Variants in TMEM53 observed in about 807,000 individuals in gnomAD.
TMEM53 encodes the protein transmembrane protein 53.
In TMEM53, 14 loss-of-function variants were observed where a neutral mutation model predicts 21.4. The observed-to-expected ratio is 0.65, with a 90% CI of 0.43 to 1.02. TMEM53 has a LOEUF of 1.02. Ranked by LOEUF, TMEM53 falls within the 50% of genes least tolerant of loss-of-function variation. The pLI, the probability that TMEM53 is intolerant of heterozygous loss-of-function variation, is 0.00. For synonymous variants in TMEM53, 148 were observed against 157.4 expected, an observed-to-expected ratio of 0.94 and a Z score of 0.45; for missense variants, 323 against 383.6, an observed-to-expected ratio of 0.84 and a Z score of 1.32.
At chr1:44,666,836 T>C (rs1484594110) in intron 1 of TMEM53, among the ~76,000 whole-genome samples, 1 of 151,912 alleles carries the variant, frequency 6.6e-6, no homozygotes, top group African/African-American at 2.4e-5. Flanking sequence ...AGCCAGTGAA[T>C]TGTACTTTTT....
intron 1 of TMEM53, among the ~76,000 whole-genome samples, chr1:44,670,368 G>A (rs12756906): frequency 6.6e-6 from 1 of 152,050 alleles, no homozygotes; most frequent in Non-Finnish European, 1.5e-5. Flanking sequence ...TCCCCCTTCA[G>A]GGATTTACTT....
chr1:44,663,690 C>T (rs563671634), intron 1 of TMEM53, among the ~76,000 whole-genome samples: 1 of 152,300 alleles, frequency 6.6e-6, no homozygotes, highest in Admixed American at 6.5e-5. Flanking sequence ...AGGCCTCTGG[C>T]AGCTAACTTT....
chr1:44,657,996 A>C (rs1001925198), intron 2 of TMEM53, among the ~76,000 whole-genome samples: 1 of 149,788 alleles, frequency 6.7e-6, no homozygotes, highest in Non-Finnish European at 1.5e-5. Flanking sequence ...CTGGGATCTT[A>C]CTCCATCTAC....
chr1:44,673,902 G>A (rs1369812944), intron 1 of TMEM53: 1 of 985,280 alleles, frequency 1.0e-6, no homozygotes, highest in Non-Finnish European at 1.2e-6. Context: ...GGGCTTCTGC[G>A]AGGATCGGTG....
rs1192227830 is a variant in TMEM53, at chr1:44,655,078, C to T, written c.315G>A (p.Glu105=). 6.2e-7 allele frequency: 1 copy of T among 1,614,232 alleles called. No homozygotes were observed. Among genetic ancestry groups the T allele is most frequent in the Non-Finnish European group, 8.5e-7 (1 of 1,180,034 alleles). ...TGCTGAAGACATGGAAGAGCAGGGG[C>T]TCCTTCTCAATCTCATAATCAAAGA... The part of the protein sequence containing the change: ...ELLFDYEIEK[E]PLLFHVFSNG... The change falls in exon 3 of 3, where the codon GAG becomes GAA. Residue 105 remains glutamate (E), a synonymous_variant. Transcript: ENST00000372237. The surrounding 1 kb of genome is among the most constrained non-coding windows in gnomAD (Gnocchi z 4.4).
At chr1:44,667,200 T>C (rs1194693407) in intron 1 of TMEM53, among the ~76,000 whole-genome samples, 1 of 152,108 alleles carries the variant, frequency 6.6e-6, no homozygotes, top group Non-Finnish European at 1.5e-5. Context: ...TCAATAATGT[T>C]ATTATTTTTA....
chr1:44,669,132 A>G (rs1437281290), intron 1 of TMEM53, among the ~76,000 whole-genome samples: 1 of 152,254 alleles, frequency 6.6e-6, no homozygotes, highest in Admixed American at 6.5e-5. Context: ...TTCACAAGTA[A>G]TGCATACTCA....
In TMEM53 at chr1:44,660,175, C is replaced by A. The variant is rs749890369; in HGVS notation, c.182G>T (p.Arg61Met). ...LAKYSAIYHK[R>M]GCIVIRYTAP... ...GGGAGAGGGCACCAGAGTACTCACC[C>A]TTTTGTGGTAGATGGCACTGTACTT... is the stretch of plus-strand genomic sequence containing the variant. Residue 61 changes from arginine to methionine, a missense_variant and splice_region_variant, in exon 2 of 3, where the codon AGG becomes ATG. Arg to Met is a moderately conservative substitution (Grantham distance 91). Coordinates refer to ENST00000372237, the MANE Select transcript of TMEM53 (RefSeq NM_024587.4). The A allele has an allele frequency of 1.2e-6, 2 of 1,613,918 alleles. No homozygotes were observed. Among genetic ancestry groups the A allele is most frequent in the Non-Finnish European group, 1.7e-6 (2 of 1,179,904 alleles).
At chr1:44,668,274 T>C (rs2148536907) in intron 1 of TMEM53, among the ~76,000 whole-genome samples, 1 of 152,154 alleles carries the variant, frequency 6.6e-6, no homozygotes. Flanking sequence ...ACCCCGTCTC[T>C]ACTAAAAATA....
chr1:44,658,360 GC>G (rs1644868691), intron 2 of TMEM53, among the ~76,000 whole-genome samples: 1 of 152,018 alleles, frequency 6.6e-6, no homozygotes, highest in South Asian at 2.1e-4. Context: ...CTATCCCTGT[GC>G]CCATGCCCAA....
intron 1 of TMEM53, among the ~76,000 whole-genome samples, chr1:44,670,995 T>C (rs1644995324): frequency 1.3e-5 from 2 of 152,170 alleles, no homozygotes; most frequent in African/African-American, 4.8e-5. Context: ...GGCTTGGGCC[T>C]ACAGTGCTGC....
At chr1:44,664,616 T>C (rs1310618923) in intron 1 of TMEM53, among the ~76,000 whole-genome samples, 1 of 152,082 alleles carries the variant, frequency 6.6e-6, no homozygotes, top group Non-Finnish European at 1.5e-5. Context: ...CCAGCTTGTA[T>C]CCGCTATCCT....
chr1:44,664,337 G>A (rs1405708969), intron 1 of TMEM53, among the ~76,000 whole-genome samples: 1 of 151,810 alleles, frequency 6.6e-6, no homozygotes, highest in Non-Finnish European at 1.5e-5. Flanking sequence ...TGTAATCCCA[G>A]CTACTCAGGA....
intron 1 of TMEM53, among the ~76,000 whole-genome samples, chr1:44,664,126 T>TG (rs1236350681): frequency 1.4e-5 from 2 of 142,914 alleles, no homozygotes; most frequent in Non-Finnish European, 3.0e-5. Context: ...TACTCCAGCC[T>TG]GGGTGACAGA....
chr1:44,655,149 C>T lies in TMEM53; in HGVS notation c.244G>A (p.Gly82Ser). The change falls in exon 3 of 3, where the codon GGT (glycine) becomes AGT (serine). Residue 82 changes from glycine to serine, a missense_variant. By Grantham distance (56) the Gly-to-Ser change is moderately conservative (BLOSUM62 0). Transcript: ENST00000372237. This position sits in a 1 kb window ranked among gnomAD's most constrained non-coding sequence, Gnocchi z 4.4. Reference protein sequence around the residue: ...WHMVFFSESLGIPSLRVLAQK... With the variant: ...WHMVFFSESLSIPSLRVLAQK... ...GCCAAAACACGAAGTGAAGGGATACCCAGTGACTCGGAGAAGAAGACCATG... is the reference window on the plus strand; with the variant it reads ...GCCAAAACACGAAGTGAAGGGATACTCAGTGACTCGGAGAAGAAGACCATG... 1 of 1,613,934 alleles carries T rather than the reference C, an allele frequency of 6.2e-7. No individual in the cohort carries two copies.
intron 1 of TMEM53, among the ~76,000 whole-genome samples, chr1:44,662,596 C>T (rs543169773): frequency 2.6e-5 from 4 of 152,216 alleles, no homozygotes; most frequent in African/African-American, 9.6e-5. Flanking sequence ...TTTGCATCTT[C>T]GAGACCCAGC....
intron 1 of TMEM53, among the ~76,000 whole-genome samples, chr1:44,668,553 C>T (rs1438448483): frequency 6.6e-6 from 1 of 152,098 alleles, no homozygotes; most frequent in Non-Finnish European, 1.5e-5. Context: ...TTTTTCTTTT[C>T]TTCTTTGAGA....
rs1452042434 is a variant in TMEM53 at position 44,655,590 on chromosome 1, A to G, written c.184-381T>C. On this transcript the variant is annotated intron_variant, in intron 2 of 2. Coordinates refer to ENST00000372237, the MANE Select transcript of TMEM53 (RefSeq NM_024587.4). This position sits in a 1 kb window ranked among gnomAD's most constrained non-coding sequence, Gnocchi z 4.4. ...CGCACTCCCATCCTAGGCCTTGCACATTTGGGATGGGGCCTCACTGCTTGG... is the reference window on the plus strand; with the variant it reads ...CGCACTCCCATCCTAGGCCTTGCACGTTTGGGATGGGGCCTCACTGCTTGG... 6.6e-6 allele frequency among the ~76,000 whole-genome samples: 1 copy of G among 151,992 alleles called. No individual in the cohort carries two copies. Among genetic ancestry groups the G allele is most frequent in the Admixed American group, 6.6e-5 (1 of 15,258 alleles).
At chr1:44,673,951 A>G (rs1039631861) in intron 1 of TMEM53, 3 of 985,350 alleles carry the variant, frequency 3.0e-6, no homozygotes, top group African/African-American at 1.7e-5. Flanking sequence ...CGGGAAAATA[A>G]TAAGTGATAG....
Sources: gnomAD v4.1 joint callset for allele counts (sites outside exome capture counted in the v4.1 genomes callset) on GRCh38, gnomAD v4.1.1 for gene constraint, Gnocchi (gnomAD v3.1) non-coding constraint, MANE v1.5 for transcripts, NCBI Gene and HGNC (gene_info 2026-07-23, HGNC 2026-07-21) for gene names.